Variants in C13orf46 observed in about 807,000 individuals in gnomAD.
C13orf46 encodes uncharacterized protein C13orf46.
the C13orf46 span, among the ~76,000 whole-genome samples, chr13:113,936,367 T>C: frequency 6.6e-6 from 1 of 152,092 alleles, no homozygotes; most frequent in African/African-American, 2.4e-5. Context: ...TGACCGGCTA[T>C]GGGGAAATAT....
chr13:113,945,575 A>AAG, the C13orf46 span, among the ~76,000 whole-genome samples: 931 of 89,110 alleles, frequency 0.01, 29 homozygotes, highest in African/African-American at 0.032. Flanking sequence ...GAAAGAAAGA[A>AAG]AGAGAGAGAG....
chr13:113,969,743 C>T (rs1462388641), intron 2 of C13orf46, among the ~76,000 whole-genome samples: 2 of 152,264 alleles, frequency 1.3e-5, no homozygotes, highest in East Asian at 3.9e-4. Flanking sequence ...CTCGGCAGTA[C>T]GAAGTGGGGA....
At chr13:113,945,539 G>GAGAAAGAAAGAAAGAAAGAAAGAAAGAA in the C13orf46 span, among the ~76,000 whole-genome samples, 5 of 73,602 alleles carry the variant, frequency 6.8e-5, no homozygotes, top group African/African-American at 2.5e-4. Flanking sequence ...GCGAGAATCT[G>GAGAAAGAAAGAAAGAAAGAAAGAAAGAA]AGAAAGAAAG....
chr13:113,959,199 G>C (rs1276766066), intron 6 of C13orf46, among the ~76,000 whole-genome samples: 1 of 152,196 alleles, frequency 6.6e-6, no homozygotes, highest in Admixed American at 6.5e-5. Context: ...TTGAGCCCAG[G>C]GGGTGGAGGT....
chr13:113,931,225 T>C, the C13orf46 span, among the ~76,000 whole-genome samples: 5 of 152,362 alleles, frequency 3.3e-5, no homozygotes, highest in African/African-American at 1.2e-4. Context: ...TCATTCTGCC[T>C]GTTTTAGGGT....
chr13:113,949,098 G>T (rs1400771284), downstream of C13orf46, among the ~76,000 whole-genome samples: 1 of 152,188 alleles, frequency 6.6e-6, no homozygotes, highest in Non-Finnish European at 1.5e-5. Flanking sequence ...AATGACCAAT[G>T]ACTTAATCAA....
intron 1 of C13orf46, among the ~76,000 whole-genome samples, chr13:113,971,280 C>A (rs991062759): frequency 5.3e-5 from 8 of 152,352 alleles, no homozygotes; most frequent in African/African-American, 1.7e-4. Context: ...GACCTCCTCC[C>A]AGAGCTCGGC....
the C13orf46 span, among the ~76,000 whole-genome samples, chr13:113,931,855 G>A: frequency 1.3e-4 from 19 of 151,982 alleles, no homozygotes; most frequent in African/African-American, 3.9e-4. Context: ...TAAGACGTAC[G>A]GTTTGATAAG....
At chr13:113,945,617 A>AAAG in the C13orf46 span, among the ~76,000 whole-genome samples, 7 of 109,640 alleles carry the variant, frequency 6.4e-5, no homozygotes, top group African/African-American at 1.0e-4. Flanking sequence ...AGAAAGAAAG[A>AAAG]AAGAAAGAAA....
chr13:113,946,667 T>G, the C13orf46 span, among the ~76,000 whole-genome samples: 1 of 152,244 alleles, frequency 6.6e-6, no homozygotes, highest in African/African-American at 2.4e-5. Context: ...ACGGAGAGCC[T>G]GTCCCTGTGC....
At chr13:113,965,770 G>A (rs1377861576) in intron 5 of C13orf46, among the ~76,000 whole-genome samples, 2 of 142,606 alleles carry the variant, frequency 1.4e-5, no homozygotes, top group East Asian at 4.1e-4. Flanking sequence ...GGTGATGATG[G>A]TGATGGTGAT....
chr13:113,936,185 G>A, the C13orf46 span, among the ~76,000 whole-genome samples: 2 of 152,288 alleles, frequency 1.3e-5, no homozygotes, highest in South Asian at 4.1e-4. Context: ...GAGTCTCTGG[G>A]TGAGCAAGTA....
intron 6 of C13orf46, among the ~76,000 whole-genome samples, chr13:113,957,478 G>A (rs1395624520): frequency 1.0e-3 from 146 of 139,658 alleles, no homozygotes; most frequent in African/African-American, 3.6e-3. Context: ...CAAGCACACT[G>A]GGGGTCTCCC....
At chr13:113,957,791 T>C (rs2052551951) in intron 6 of C13orf46, among the ~76,000 whole-genome samples, 1 of 140,216 alleles carries the variant, frequency 7.1e-6, no homozygotes, top group Non-Finnish European at 1.5e-5. Flanking sequence ...GCACTCTGCC[T>C]GCACCCCCTT....
chr13:113,930,611 G>T, the C13orf46 span, among the ~76,000 whole-genome samples: 3 of 152,184 alleles, frequency 2.0e-5, no homozygotes, highest in Non-Finnish European at 4.4e-5. Flanking sequence ...AGCAGAGCTG[G>T]AAGGACCCAA....
intron 6 of C13orf46, among the ~76,000 whole-genome samples, chr13:113,963,212 CCT>C (rs1359761575): frequency 9.3e-5 from 14 of 150,208 alleles, no homozygotes; most frequent in African/African-American, 2.7e-4. Context: ...CAGCCTTGCC[CCT>C]GTCCTCAGCC....
chr13:113,972,683 TCGC>T (rs2052721485), intron 1 of C13orf46, among the ~76,000 whole-genome samples: 1 of 152,196 alleles, frequency 6.6e-6, no homozygotes, highest in African/African-American at 2.4e-5. Flanking sequence ...CCTACACGTT[TCGC>T]GGTTTAGAAG....
At chr13:113,934,736 C>G in the C13orf46 span, among the ~76,000 whole-genome samples, 35 of 152,374 alleles carry the variant, frequency 2.3e-4, no homozygotes, top group African/African-American at 8.2e-4. Flanking sequence ...ACTGGAAAAC[C>G]AGACCTGAGC....
At chr13:113,933,187 T>G in the C13orf46 span, among the ~76,000 whole-genome samples, 22 of 152,166 alleles carry the variant, frequency 1.4e-4, no homozygotes, top group Non-Finnish European at 2.5e-4. Context: ...TTGTATGTGG[T>G]GTGAGGTAAG....
Sources: gnomAD v4.1 joint callset for allele counts (sites outside exome capture counted in the v4.1 genomes callset) on GRCh38, gnomAD v4.1.1 for gene constraint, MANE v1.5 for transcripts, NCBI Gene and HGNC (gene_info 2026-07-23, HGNC 2026-07-21) for gene names.